The following PRCP variants were observed in gnomAD, a reference collection of about 807,000 sequenced individuals.
The protein encoded by PRCP is lysosomal Pro-X carboxypeptidase.
PRCP carries 46 observed loss-of-function variants against 54.2 expected under a neutral mutation model. The ratio of observed to expected loss-of-function variants is 0.85; its 90% confidence interval spans 0.67 to 1.09. The LOEUF is 1.09. Ranked by LOEUF, PRCP falls within the 50% of genes least tolerant of loss-of-function variation. The pLI is 0.00. For missense variants in PRCP, 613 were observed against 596.8 expected, an observed-to-expected ratio of 1.03 and a Z score of -0.28; for synonymous variants, 240 against 212.2, an observed-to-expected ratio of 1.13 and a Z score of -1.14.
chr11:82,885,025 A>G, intron 1 of PRCP: 1 of 1,326,516 alleles, frequency 7.5e-7, no homozygotes, highest in Non-Finnish European at 9.9e-7. Flanking sequence ...AAACTTCAGC[A>G]ATTTGTTCTG....
At chr11:82,826,811 A>G (rs919918668) in intron 8 of PRCP, 1 of 152,230 alleles carries the variant, frequency 6.6e-6, no homozygotes. Flanking sequence ...ATATCTTTCT[A>G]TTTTTGAGTG....
intron 2 of PRCP, among the ~76,000 whole-genome samples, chr11:82,856,336 C>T (rs928367521): frequency 1.3e-4 from 20 of 152,082 alleles, no homozygotes; most frequent in Non-Finnish European, 2.5e-4. Flanking sequence ...ACTACGTAGC[C>T]ATTAAAAAGA....
At chr11:82,842,295 T>C (rs1396221259) in intron 6 of PRCP, among the ~76,000 whole-genome samples, 3 of 152,146 alleles carry the variant, frequency 2.0e-5, no homozygotes, top group African/African-American at 7.2e-5. Flanking sequence ...ATACTTGGGT[T>C]TCAGCAGCCC....
chr11:82,899,457 A>C (rs1251788048), intron 1 of PRCP, among the ~76,000 whole-genome samples: 1 of 152,090 alleles, frequency 6.6e-6, no homozygotes, highest in Non-Finnish European at 1.5e-5. Flanking sequence ...ACCTTTTCCA[A>C]ATCTTTTCCT....
At chr11:82,900,460 G>A, upstream of PRCP, 4 of 1,565,424 alleles carry the variant, frequency 2.6e-6, no homozygotes, top group Admixed American at 7.3e-5. Context: ...CAGCAGAAGC[G>A]CACAGGCTAA....
At chr11:82,836,995 C>A in intron 8 of PRCP, 1 of 266,254 alleles carries the variant, frequency 3.8e-6, no homozygotes, top group Non-Finnish European at 7.5e-6. Context: ...TGGGGCTCCA[C>A]CCTTATGAAC....
chr11:82,856,817 G>T (rs1418604833), intron 2 of PRCP, among the ~76,000 whole-genome samples: 1 of 152,164 alleles, frequency 6.6e-6, no homozygotes, highest in African/African-American at 2.4e-5. Flanking sequence ...GGGAGGCCGA[G>T]GCGGGCGGAT....
chr11:82,876,183 C>A (rs1859598992), intron 1 of PRCP, among the ~76,000 whole-genome samples: 1 of 152,128 alleles, frequency 6.6e-6, no homozygotes, highest in African/African-American at 2.4e-5. Context: ...TGAAAAGAGC[C>A]CAGCTCTGTA....
At chr11:82,876,171 A>G (rs1020353006) in intron 1 of PRCP, among the ~76,000 whole-genome samples, 7 of 152,226 alleles carry the variant, frequency 4.6e-5, no homozygotes, top group African/African-American at 7.2e-5. Context: ...GGCTCAGCAC[A>G]GTGAAAAGAG....
chr11:82,883,622 T>A (rs1028828458), intron 1 of PRCP, among the ~76,000 whole-genome samples: 1 of 151,860 alleles, frequency 6.6e-6, no homozygotes, highest in East Asian at 1.9e-4. Context: ...AAGGCAGGGG[T>A]CAGTCAGTTT....
chr11:82,854,206 T>A (rs1565224786), intron 2 of PRCP, among the ~76,000 whole-genome samples: 1 of 152,142 alleles, frequency 6.6e-6, no homozygotes, highest in Non-Finnish European at 1.5e-5. Flanking sequence ...GAAGAGAGGA[T>A]GTCAAACTGT....
intron 1 of PRCP, among the ~76,000 whole-genome samples, chr11:82,880,846 A>C (rs1166977815): frequency 4.6e-5 from 7 of 152,058 alleles, no homozygotes; most frequent in Non-Finnish European, 8.8e-5. Context: ...GAAAAAAAAA[A>C]AAAAAACCCT....
intron 3 of PRCP, among the ~76,000 whole-genome samples, chr11:82,852,851 G>A (rs1858989117): frequency 6.6e-6 from 1 of 152,078 alleles, no homozygotes; most frequent in African/African-American, 2.4e-5. Context: ...AATAATTTAA[G>A]TGTACGATTT....
intron 1 of PRCP, among the ~76,000 whole-genome samples, chr11:82,876,389 C>T (rs537609589): frequency 1.3e-5 from 2 of 152,358 alleles, no homozygotes; most frequent in East Asian, 3.9e-4. Flanking sequence ...TAACTTTATA[C>T]TGTGGTATTA....
intron 5 of PRCP, 58 bp from the exon 6 acceptor site, chr11:82,849,276 C>T: frequency 9.7e-6 from 15 of 1,547,984 alleles, no homozygotes; most frequent in Non-Finnish European, 1.2e-5. Flanking sequence ...GATGTCTTTA[C>T]AGATCATTTA....
chr11:82,865,228 GA>G (rs1859303479), intron 1 of PRCP, among the ~76,000 whole-genome samples: 2 of 152,082 alleles, frequency 1.3e-5, no homozygotes, highest in Non-Finnish European at 1.5e-5. Flanking sequence ...CCGCCTCCAA[GA>G]AAACCCAGAT....
chr11:82,850,024 G>A lies in PRCP; in HGVS notation c.641C>T (p.Pro214Leu), dbSNP rs754083665. The A allele has an allele frequency of 6.6e-7, 1 of 1,520,166 alleles. No individual in the cohort carries two copies. Among genetic ancestry groups the A allele is most frequent in the Non-Finnish European group, 8.8e-7 (1 of 1,130,802 alleles). The allele number at this position is 1,520,166 out of a possible 1,614,324, so 94.2% of individuals were successfully genotyped here. Residue 214 changes from proline (P) to leucine (L), a missense_variant, in exon 5 of 9, where the codon CCT becomes CTT. Coordinates refer to ENST00000313010, the MANE Select transcript of PRCP (RefSeq NM_005040.4). ...APIWQFEDLV[P>L]CGVFMKIVTT... ...TACGATCTTCATAAATACACCACAA[G>A]GTACTAAATCCTCAAACTGCCAGAT...
intron 8 of PRCP, chr11:82,830,627 CAAAAAAAAAAA>C (rs35851740): frequency 7.0e-4 from 13 of 18,644 alleles, no homozygotes; most frequent in East Asian, 2.6e-3. Context: ...GACTCCATCT[CAAAAAAAAAAA>C]AAAAAAAAAA....
intron 1 of PRCP, 72 bp downstream of exon 1, chr11:82,900,163 G>A: frequency 1.9e-6 from 3 of 1,552,324 alleles, no homozygotes; most frequent in Admixed American, 3.6e-5. Context: ...GGTAGGCTCC[G>A]TTGCCCGGGC....
Sources: gnomAD v4.1 joint callset for allele counts (sites outside exome capture counted in the v4.1 genomes callset) on GRCh38, gnomAD v4.1.1 for gene constraint, MANE v1.5 for transcripts, NCBI Gene and HGNC (gene_info 2026-07-23, HGNC 2026-07-21) for gene names.